The following ULK4 variants were observed in gnomAD, a reference collection of about 807,000 sequenced individuals.
ULK4 encodes inactive serine/threonine-protein kinase ULK4.
In ULK4, 133 loss-of-function variants were observed where a neutral mutation model predicts 160.6. The observed-to-expected ratio is 0.83, with a 90% CI of 0.72 to 0.96. The LOEUF (loss-of-function observed/expected upper bound fraction) is 0.96. Ranked by LOEUF, ULK4 falls within the 40% of genes least tolerant of loss-of-function variation. The probability of loss-of-function intolerance (pLI) is 0.00; values close to 1 mark genes in which losing one functional copy is unlikely to be tolerated. For synonymous variants in ULK4, 534 were observed against 539.8 expected, an observed-to-expected ratio of 0.99 and a Z score of 0.15; for missense variants, 1,580 against 1,499.5, an observed-to-expected ratio of 1.05 and a Z score of -0.89.
intron 12 of ULK4, 45 bp downstream of exon 12, chr3:41,907,800 G>A (rs1053262763): frequency 1.6e-6 from 2 of 1,234,872 alleles, no homozygotes; most frequent in African/African-American, 1.6e-5. Flanking sequence ...ATTCTTGTGA[G>A]CTTCTACATC....
intron 32 of ULK4, among the ~76,000 whole-genome samples, chr3:41,554,959 GGAAAA>G (rs1428527473): frequency 6.6e-6 from 1 of 151,932 alleles, no homozygotes; most frequent in East Asian, 1.9e-4. Context: ...AAATATATAT[GGAAAA>G]GAAAAATGAT....
chr3:41,548,543 G>A (rs374664464), intron 32 of ULK4, among the ~76,000 whole-genome samples: 3 of 152,054 alleles, frequency 2.0e-5, no homozygotes, highest in Non-Finnish European at 4.4e-5. Flanking sequence ...ACTGGCATGC[G>A]CAGAACATCA....
intron 32 of ULK4, among the ~76,000 whole-genome samples, chr3:41,513,240 C>G (rs533351586): frequency 8.5e-5 from 13 of 152,290 alleles, no homozygotes; most frequent in African/African-American, 2.9e-4. Context: ...CTGGCTTAGG[C>G]AAAGACTTCA....
chr3:41,554,999 C>T (rs1397371859), intron 32 of ULK4, among the ~76,000 whole-genome samples: 9 of 151,916 alleles, frequency 5.9e-5, no homozygotes, highest in South Asian at 2.1e-4. Flanking sequence ...TTAGAATTTC[C>T]GAGTAAGGTA....
chr3:41,544,375 A>T (rs1632735), intron 32 of ULK4, among the ~76,000 whole-genome samples: 63,632 of 152,036 alleles, frequency 0.42, 14,791 homozygotes, highest in Non-Finnish European at 0.51. Context: ...GGGGCTGTTT[A>T]TATGTGTTGG....
intron 22 of ULK4, among the ~76,000 whole-genome samples, chr3:41,721,357 T>C (rs2037460428): frequency 1.4e-5 from 1 of 69,632 alleles, no homozygotes; most frequent in Non-Finnish European, 2.5e-5. Flanking sequence ...TATATATATA[T>C]ATATATTTTT....
chr3:41,919,095 G>T (rs1353993643), intron 6 of ULK4, among the ~76,000 whole-genome samples: 2 of 151,960 alleles, frequency 1.3e-5, no homozygotes, highest in African/African-American at 4.8e-5. Flanking sequence ...TGAACCAATG[G>T]GTGCATGGGC....
At position 41,249,479 on chromosome 3, in the gene ULK4, T is replaced by C. The variant is rs2125666070; in HGVS notation, c.3764+10A>G. ...AGAGCAGACTGCTGATCCTCCTGGG[T>C]CCCACTTACCCACTCCCAGGGGCCA... On this transcript the variant is annotated intron_variant, in intron 36 of 36. Coordinates refer to ENST00000301831, the MANE Select transcript of ULK4 (RefSeq NM_017886.4). The C allele has an allele frequency of 6.2e-7, 1 of 1,611,866 alleles. No homozygotes were observed. Among genetic ancestry groups the C allele is most frequent in the South Asian group, 1.1e-5 (1 of 90,594 alleles).
At chr3:41,926,617 A>G (rs538146109) in intron 5 of ULK4, among the ~76,000 whole-genome samples, 1 of 150,348 alleles carries the variant, frequency 6.7e-6, no homozygotes, top group Admixed American at 6.6e-5. Context: ...GGTTAGAGGA[A>G]TTGCTAACGA....
intron 21 of ULK4, among the ~76,000 whole-genome samples, chr3:41,763,364 C>T (rs1252315814): frequency 1.3e-5 from 2 of 151,942 alleles, no homozygotes; most frequent in Non-Finnish European, 2.9e-5. Flanking sequence ...AGTGATAAAT[C>T]AAAATCCTGG....
intron 17 of ULK4, among the ~76,000 whole-genome samples, chr3:41,856,605 GTATATATATACACA>G (rs2042368461): frequency 1.4e-5 from 1 of 70,578 alleles, no homozygotes; most frequent in Admixed American, 1.5e-4. Flanking sequence ...ATATATATGT[GTATATATATACACA>G]TATATATATA....
rs150313126 is a variant in ULK4 at position 41,345,079 on chromosome 3, G to A, written c.3678+53000C>T. Among the ~76,000 whole-genome samples the A allele has an allele frequency of 3.9e-3, 587 of 152,186 alleles. 4 individuals are homozygous for A. Among genetic ancestry groups the A allele is most frequent in the South Asian group, 0.011 (53 of 4,820 alleles). On this transcript the variant is annotated intron_variant, in intron 35 of 36. Coordinates refer to ENST00000301831, the MANE Select transcript of ULK4 (RefSeq NM_017886.4). ...ATGCAAATCAAAACCACGAGATACC[G>A]TCTCATGCCAGTCAGCATGGCTATT...
At chr3:41,684,699 G>A (rs1575567629) in intron 27 of ULK4, among the ~76,000 whole-genome samples, 1 of 152,296 alleles carries the variant, frequency 6.6e-6, no homozygotes, top group East Asian at 1.9e-4. Context: ...GGACCATGGA[G>A]ATGCCTCCTC....
intron 32 of ULK4, among the ~76,000 whole-genome samples, chr3:41,500,634 G>C (rs1311502370): frequency 8.5e-5 from 13 of 152,060 alleles, no homozygotes; most frequent in Admixed American, 8.5e-4. Context: ...GGCTATCCCA[G>C]AGACACAGCA....
chr3:41,273,013 T>C (rs146017193), intron 35 of ULK4, among the ~76,000 whole-genome samples: 39 of 152,354 alleles, frequency 2.6e-4, no homozygotes, highest in African/African-American at 7.5e-4. Context: ...CTGCCCATTC[T>C]AATGTCTGTG....
intron 17 of ULK4, among the ~76,000 whole-genome samples, chr3:41,877,601 C>G (rs939379501): frequency 6.6e-6 from 1 of 151,998 alleles, no homozygotes; most frequent in African/African-American, 2.4e-5. Context: ...GCTGGTATTA[C>G]AGGCATGAGC....
intron 34 of ULK4, among the ~76,000 whole-genome samples, chr3:41,448,524 TC>T (rs1189486300): frequency 6.6e-6 from 1 of 152,164 alleles, no homozygotes. Flanking sequence ...GTTTATTAAG[TC>T]AATGCATGAC....
chr3:41,717,937 G>T, intron 22 of ULK4, 76 bp from the exon 23 acceptor site: 1 of 1,528,244 alleles, frequency 6.5e-7, no homozygotes, highest in Non-Finnish European at 8.9e-7. Flanking sequence ...TGCCGCCAAG[G>T]CAAGTGTTTC....
At chr3:41,348,667 C>T (rs1009377843) in intron 35 of ULK4, among the ~76,000 whole-genome samples, 2 of 141,940 alleles carry the variant, frequency 1.4e-5, no homozygotes, top group Non-Finnish European at 3.0e-5. Flanking sequence ...TGTAAGACTT[C>T]TTTGAGTACG....
Sources: gnomAD v4.1 joint callset for allele counts (sites outside exome capture counted in the v4.1 genomes callset) on GRCh38, gnomAD v4.1.1 for gene constraint, MANE v1.5 for transcripts, NCBI Gene and HGNC (gene_info 2026-07-23, HGNC 2026-07-21) for gene names.